Variants in TAF6L observed in about 807,000 individuals in gnomAD.
TAF6L encodes the protein TATA-box binding protein associated factor 6 like.
A neutral mutation model predicts 57.3 loss-of-function variants in TAF6L; 34 were observed. The ratio of observed to expected loss-of-function variants is 0.59; its 90% confidence interval spans 0.45 to 0.79. The LOEUF (loss-of-function observed/expected upper bound fraction) is 0.79. Among genes scored for constraint, TAF6L ranks in the 30% least tolerant of loss-of-function variants. TAF6L has a pLI of 0.00. For missense variants in TAF6L, 782 were observed against 853.2 expected (o/e 0.92, Z 1.04); for synonymous variants, 417 against 376.3 (o/e 1.11, Z -1.25).
rs779449092 is a variant in TAF6L at position 62,778,042 on chromosome 11, A to C, written c.299A>C (p.Tyr100Ser). 2.5e-6 allele frequency: 4 copies of C among 1,614,064 alleles called. No individual in the cohort carries two copies. Among genetic ancestry groups the C allele is most frequent in the Non-Finnish European group, 3.4e-6 (4 of 1,179,992 alleles). Residue 100 changes from tyrosine (Y) to serine (S), a missense_variant, in exon 4 of 11, where the codon TAC becomes TCC. By Grantham distance (144) the Tyr-to-Ser change is moderately radical. Around this residue, in one of 3 missense-constraint regions of TAF6L, gnomAD observed 220 missense variants for 252.1 expected, o/e 0.87. Transcript: ENST00000294168. ...CGCCCCGCCAGGGAGGGTGAACTCT[A>C]CTTTCCTGAGGATCGAGAGGTGAAC... is the stretch of plus-strand genomic sequence containing the variant. ...PMRPAREGELYFPEDREVNLV... is the reference protein window; with the variant it reads ...PMRPAREGELSFPEDREVNLV...
At position 62,787,126 on chromosome 11, in the gene TAF6L, C is replaced by A. The variant is rs1309688729; in HGVS notation, c.1699C>A (p.Arg567=). 1.3e-6 allele frequency: 2 copies of A among 1,559,120 alleles called. No homozygotes were observed. The highest frequency in any genetic ancestry group is 2.8e-5 in the African/African-American group (2 of 72,622). The change falls in exon 11 of 11, where the codon CGG becomes AGG. Residue 567 remains arginine, a synonymous_variant. Coordinates refer to ENST00000294168, the MANE Select transcript of TAF6L (RefSeq NM_006473.4). The stretch of plus-strand genomic sequence containing the variant: ...GCACTTTCGTTTCATCATAGCCGGG[C>A]GGCAGGCTGGGAGGCGCTGCCGCGG... ...APHFRFIIAG[R]QAGRRCRGRL... is the part of the protein sequence containing the mutation.
At position 62,787,306 on chromosome 11, in the gene TAF6L, C is replaced by T. The variant is rs747125135; in HGVS notation, c.*10C>T. ...GTACTTGCCGCTCTGAGTCAGTGGC[C>T]CCTTCGTTCCTTGTAAATAAATCCC... On this transcript the variant is annotated 3_prime_UTR_variant, in exon 11 of 11. Coordinates refer to ENST00000294168, the MANE Select transcript of TAF6L (RefSeq NM_006473.4). The T allele has an allele frequency of 1.6e-5, 25 of 1,529,186 alleles. No homozygotes were observed. Among genetic ancestry groups the T allele is most frequent in the South Asian group, 2.4e-5 (2 of 82,076 alleles). 94.7% of individuals were successfully genotyped at this position (1,529,186 alleles called of 1,614,324 possible). A position where few individuals can be genotyped will look rare whatever the true frequency, so the allele number is the denominator to read the frequency against.
intron 7 of TAF6L, 28 bp from the exon 8 acceptor site, chr11:62,782,085 C>T (rs2084234098): frequency 6.3e-7 from 1 of 1,591,672 alleles, no homozygotes; most frequent in African/African-American, 1.3e-5. Flanking sequence ...CCCTCATGTC[C>T]CTGTAAGCTA....
intron 1 of TAF6L, 68 bp from the exon 2 acceptor site, chr11:62,775,703 G>T: frequency 3.3e-6 from 5 of 1,511,836 alleles, no homozygotes; most frequent in Non-Finnish European, 4.4e-6. Flanking sequence ...TGTGGAGGGT[G>T]TTGGATCACA....
At position 62,786,252 on chromosome 11, in the gene TAF6L, C is replaced by T. The variant is rs1166488342; in HGVS notation, c.961-8C>T. ...ACATGCTAACTGTATTCCTTCTCTTCCTTCCAGGCAGTAGAACGAGTCCTG... is the reference window on the plus strand; with the variant it reads ...ACATGCTAACTGTATTCCTTCTCTTTCTTCCAGGCAGTAGAACGAGTCCTG... On this transcript the variant is annotated splice_region_variant and splice_polypyrimidine_tract_variant and intron_variant, in intron 9 of 10. Transcript: ENST00000294168. 1.9e-6 allele frequency: 3 copies of T among 1,608,080 alleles called. No individual in the cohort carries two copies. Among genetic ancestry groups the T allele is most frequent in the African/African-American group, 2.7e-5 (2 of 74,828 alleles).
chr11:62,779,343 C>T lies in TAF6L; in HGVS notation c.531+380C>T, dbSNP rs532299970. 3.3e-5 allele frequency among the ~76,000 whole-genome samples: 5 copies of T among 151,966 alleles called. No individual in the cohort carries two copies. The East Asian group carries it at 5.8e-4, about 18-fold the overall frequency. ...CCGAGTAGCTGGGACTACAGGTGCCCGCCAACATACCCGGCTAATTTTTTG... is the reference window on the plus strand; with the variant it reads ...CCGAGTAGCTGGGACTACAGGTGCCTGCCAACATACCCGGCTAATTTTTTG... On this transcript the variant is annotated intron_variant, in intron 6 of 10. Transcript: ENST00000294168.
Position 62,782,139 on chromosome 11 carries a change from G to A in TAF6L, c.633G>A (p.Glu211=). Residue 211 remains glutamate, a synonymous_variant, in exon 8 of 11, where the codon GAG becomes GAA. Coordinates refer to ENST00000294168, the MANE Select transcript of TAF6L (RefSeq NM_006473.4). ...TGAAATCTGTAAGCCATGACCTGGAGCAACTGCACCGGCTGCTGCAGGTGG... is the reference window on the plus strand; with the variant it reads ...TGAAATCTGTAAGCCATGACCTGGAACAACTGCACCGGCTGCTGCAGGTGG... ...SGVKSVSHDL[E]QLHRLLQVAR... 6.2e-7 allele frequency: 1 copy of A among 1,611,780 alleles called. No homozygotes were observed. Among genetic ancestry groups the A allele is most frequent in the Non-Finnish European group, 8.5e-7 (1 of 1,178,526 alleles).
intron 1 of TAF6L, chr11:62,772,131 G>A: frequency 2.2e-6 from 1 of 456,224 alleles, no homozygotes; most frequent in Non-Finnish European, 4.4e-6. Flanking sequence ...TGATTTCCTT[G>A]CCTGTGAAAT....
rs753496775 is a variant in TAF6L at position 62,775,949 on chromosome 11, CT to C, written c.147+20del. ...CACGCAGGTACACTCCCCTCACCCC[CT>C]GATACCTCCAACTTTCCTTGTTTCT... On this transcript the variant is annotated intron_variant, in intron 2 of 10. Transcript: ENST00000294168. 4.5e-5 allele frequency: 72 copies of C among 1,583,796 alleles called. No individual in the cohort carries two copies. The highest frequency in any genetic ancestry group is 1.7e-4 in the Middle Eastern group (1 of 5,936).
rs1284341358 is a variant in TAF6L, at chr11:62,786,697, G to A, written c.1270G>A (p.Gly424Arg). ...TGGGTCCGGCCTCCCGCTGCCGCCA[G>A]GGGGCGCGGGGCCGGAGGACCCTTC... is the stretch of plus-strand genomic sequence containing the variant. ...SFGSGLPLPP[G>R]GAGPEDPSLS... The change falls in exon 11 of 11, where the codon GGG becomes AGG. Residue 424 changes from glycine (G) to arginine (R), a missense_variant. Transcript: ENST00000294168. 6.2e-7 allele frequency: 1 copy of A among 1,612,144 alleles called. No individual in the cohort carries two copies. The highest frequency in any genetic ancestry group is 2.2e-5 in the East Asian group (1 of 44,856).
intron 9 of TAF6L, among the ~76,000 whole-genome samples, chr11:62,785,419 C>G (rs1422983666): frequency 6.6e-6 from 1 of 151,138 alleles, no homozygotes; most frequent in African/African-American, 2.4e-5. Context: ...GTCTCGAACT[C>G]CTGACCTCCT....
intron 1 of TAF6L, chr11:62,772,208 CTG>C: frequency 2.2e-6 from 1 of 453,638 alleles, no homozygotes; most frequent in Non-Finnish European, 4.4e-6. Flanking sequence ...AAGCACTTAG[CTG>C]TGTCTCAGGC....
chr11:62,777,971 T>C lies in TAF6L; in HGVS notation c.235-7T>C, dbSNP rs1352772895. On this transcript the variant is annotated splice_polypyrimidine_tract_variant and splice_region_variant and intron_variant, in intron 3 of 10. Coordinates refer to ENST00000294168, the MANE Select transcript of TAF6L (RefSeq NM_006473.4). ...TCAGGCTGCTCTCCAATTCCCTTTT[T>C]CCTCAGGCTGTGTGTGGTTACGGAT... The C allele has an allele frequency of 1.2e-6, 2 of 1,613,974 alleles. No homozygotes were observed. Among genetic ancestry groups the C allele is most frequent in the Non-Finnish European group, 1.7e-6 (2 of 1,179,894 alleles).
At chr11:62,785,248 A>G (rs1387925040) in intron 9 of TAF6L, among the ~76,000 whole-genome samples, 2 of 151,262 alleles carry the variant, frequency 1.3e-5, no homozygotes, top group South Asian at 2.1e-4. Context: ...CTGGAGTGCA[A>G]TGGCGCGACC....
intron 3 of TAF6L, 91 bp from the exon 4 acceptor site, chr11:62,777,887 T>A: frequency 6.8e-7 from 1 of 1,462,470 alleles, no homozygotes; most frequent in Non-Finnish European, 9.3e-7. Context: ...AAACGTGGGC[T>A]CTCTGCTCTG....
intron 9 of TAF6L, among the ~76,000 whole-genome samples, chr11:62,785,194 CCT>C (rs1666963062): frequency 6.7e-6 from 1 of 149,650 alleles, no homozygotes; most frequent in Admixed American, 6.7e-5. Flanking sequence ...TATTTTCTTT[CCT>C]TTTTTTTTTT....
chr11:62,774,270 G>C (rs998977738), intron 1 of TAF6L, among the ~76,000 whole-genome samples: 8 of 152,186 alleles, frequency 5.3e-5, no homozygotes, highest in African/African-American at 1.9e-4. Flanking sequence ...TAGAGATGGG[G>C]TTTCACCGTG....
In TAF6L at chr11:62,787,082, TCGCCCCGCGCGG is replaced by T. The variant is rs895427356; in HGVS notation, c.1664_1675del (p.Arg555_Pro558del). The T allele has an allele frequency of 4.6e-6, 7 of 1,536,096 alleles. No homozygotes were observed. Among genetic ancestry groups the T allele is most frequent in the African/African-American group, 1.4e-5 (1 of 71,720 alleles). ...CGCGACGTTTTCCAGAAGAGCCGTTTCGCCCCGCGCGGCGCCCCGCACTTTCGTTTCATCATA... is the reference window on the plus strand; with the variant it reads ...CGCGACGTTTTCCAGAAGAGCCGTTTCGCCCCGCACTTTCGTTTCATCATA... On this transcript the variant is annotated inframe_deletion, in exon 11 of 11. Transcript: ENST00000294168.
At chr11:62,780,806 A>T (rs1181910539) in intron 6 of TAF6L, among the ~76,000 whole-genome samples, 1 of 150,272 alleles carries the variant, frequency 6.7e-6, no homozygotes, top group Non-Finnish European at 1.5e-5. Context: ...GCTTGGTGGC[A>T]TGCGTCTGTA....
Sources: gnomAD v4.1 joint callset for allele counts (sites outside exome capture counted in the v4.1 genomes callset) on GRCh38, gnomAD v4.1.1 for gene constraint, gnomAD v4.1.1 regional missense constraint, MANE v1.5 for transcripts, NCBI Gene and HGNC (gene_info 2026-07-23, HGNC 2026-07-21) for gene names.